Variants in ICE2 observed in about 807,000 individuals in gnomAD.
The protein encoded by ICE2 is interactor of little elongation complex ELL subunit 2.
ICE2 carries 87 observed loss-of-function variants against 105.4 expected under a neutral mutation model. The ratio of observed to expected loss-of-function variants is 0.83; its 90% confidence interval spans 0.69 to 0.99. ICE2 has a LOEUF of 0.99. ICE2 is among the 50% of genes least tolerant of loss of function. The probability of loss-of-function intolerance (pLI) is 0.00; values close to 1 mark genes in which losing one functional copy is unlikely to be tolerated. For missense variants in ICE2, 1,323 were observed against 1,146.7 expected (o/e 1.15, Z -2.22); for synonymous variants, 399 against 392.0 (o/e 1.02, Z -0.21).
At chr15:60,473,192 C>T (rs1024692166) in intron 3 of ICE2, among the ~76,000 whole-genome samples, 2 of 151,084 alleles carry the variant, frequency 1.3e-5, no homozygotes, top group Non-Finnish European at 3.0e-5. Context: ...ATCCTCTTGC[C>T]CCTAGCCTCC....
chr15:60,463,988 A>G (rs1028746741), intron 5 of ICE2, among the ~76,000 whole-genome samples: 1 of 152,242 alleles, frequency 6.6e-6, no homozygotes, highest in African/African-American at 2.4e-5. Flanking sequence ...GACAAGAGTT[A>G]CGTAGATGTT....
At chr15:60,464,495 A>C (rs1052140813) in intron 5 of ICE2, among the ~76,000 whole-genome samples, 1 of 152,236 alleles carries the variant, frequency 6.6e-6, no homozygotes, top group African/African-American at 2.4e-5. Context: ...ACATCTGAAC[A>C]GACAGAGACC....
chr15:60,425,299 T>A (rs998410449), intron 15 of ICE2, among the ~76,000 whole-genome samples: 1 of 152,330 alleles, frequency 6.6e-6, no homozygotes. Flanking sequence ...TTTTGGATGA[T>A]CTATACCACT....
At chr15:60,452,350 A>T in intron 9 of ICE2, 1 of 730,536 alleles carries the variant, frequency 1.4e-6, no homozygotes, top group Non-Finnish European at 1.7e-6. Flanking sequence ...CCCTCATTTT[A>T]CTCAAGTCTC....
chr15:60,459,101 G>C (rs964590382), intron 5 of ICE2, among the ~76,000 whole-genome samples: 1 of 152,088 alleles, frequency 6.6e-6, no homozygotes, highest in African/African-American at 2.4e-5. Context: ...TGGTGAAAAC[G>C]GTAAATTTTG....
At chr15:60,465,845 G>A (rs567651391) in intron 5 of ICE2, among the ~76,000 whole-genome samples, 15 of 149,150 alleles carry the variant, frequency 1.0e-4, no homozygotes, top group African/African-American at 3.0e-4. Context: ...TCCACCTCCC[G>A]GGTTCAAGCG....
chr15:60,434,599 A>AT (rs990081854), intron 13 of ICE2, among the ~76,000 whole-genome samples: 5 of 152,018 alleles, frequency 3.3e-5, no homozygotes, highest in African/African-American at 9.7e-5. Context: ...AAGAAATGAA[A>AT]TTCTGTTATT....
At chr15:60,463,614 A>G (rs1036884483) in intron 5 of ICE2, among the ~76,000 whole-genome samples, 2 of 152,176 alleles carry the variant, frequency 1.3e-5, no homozygotes, top group African/African-American at 4.8e-5. Flanking sequence ...TTCTACTAAA[A>G]ACACAAAAAT....
At chr15:60,461,020 T>C (rs961564030) in intron 5 of ICE2, among the ~76,000 whole-genome samples, 7 of 143,534 alleles carry the variant, frequency 4.9e-5, no homozygotes, top group African/African-American at 1.5e-4. Flanking sequence ...GCAGCATCCT[T>C]GGCCTCTACG....
At chr15:60,465,011 TGGTCTTTTAAAA>T (rs1309685288) in intron 5 of ICE2, among the ~76,000 whole-genome samples, 1 of 152,192 alleles carries the variant, frequency 6.6e-6, no homozygotes, top group Non-Finnish European at 1.5e-5. Context: ...AACATCATTC[TGGTCTTTTAAAA>T]GGCACTATCA....
chr15:60,447,955 CAA>C lies in ICE2; in HGVS notation c.2295+13_2295+14del. The C allele has an allele frequency of 2.5e-6, 4 of 1,598,286 alleles. No individual in the cohort carries two copies. Among genetic ancestry groups the C allele is most frequent in the Non-Finnish European group, 3.4e-6 (4 of 1,171,922 alleles). ...TTTATGTGATCATATTCTAACTCCG[CAA>C]ATAACAACTTACTCTTCTGATTTTC... On this transcript the variant is annotated intron_variant, in intron 11 of 15. Coordinates refer to ENST00000261520, the MANE Select transcript of ICE2 (RefSeq NM_024611.6).
At chr15:60,457,616 C>T (rs529319781) in intron 5 of ICE2, among the ~76,000 whole-genome samples, 6 of 152,258 alleles carry the variant, frequency 3.9e-5, no homozygotes, top group South Asian at 2.1e-4. Context: ...AAATGTGTCA[C>T]GTTACAAATC....
At chr15:60,439,708 G>C (rs2141027663) in intron 12 of ICE2, 1 of 152,276 alleles carries the variant, frequency 6.6e-6, no homozygotes, top group Admixed American at 6.5e-5. Context: ...ATGCCATGGT[G>C]AACCGTTATA....
chr15:60,442,796 T>A (rs943810695), intron 11 of ICE2: 18 of 271,192 alleles, frequency 6.6e-5, no homozygotes, highest in African/African-American at 3.9e-4. Flanking sequence ...AAAATCAACA[T>A]ACCTCCCCAC....
Position 60,455,012 on chromosome 15 carries a change from G to GT in ICE2, c.933dup (p.Pro312ThrfsTer9). 1 of 1,554,122 alleles carries GT rather than the reference G, an allele frequency of 6.4e-7. No individual in the cohort carries two copies. ...ATAGCAAATTACAAACCTGCAACAG[G>GT]TATTACTTGAATACACACTGGAATT... is the stretch of plus-strand genomic sequence containing the variant. On this transcript the variant is annotated frameshift_variant, in exon 8 of 16. Transcript: ENST00000261520. LOFTEE classifies it high-confidence loss of function.
intron 13 of ICE2, 42 bp downstream of exon 13, chr15:60,436,101 T>C (rs373842000): frequency 9.1e-5 from 72 of 787,330 alleles, no homozygotes; most frequent in Non-Finnish European, 1.3e-4. Context: ...ATGATCACAT[T>C]AACAAATTTT....
intron 5 of ICE2, among the ~76,000 whole-genome samples, chr15:60,460,611 G>A (rs1009138156): frequency 1.3e-5 from 2 of 152,170 alleles, no homozygotes; most frequent in Non-Finnish European, 2.9e-5. Flanking sequence ...CATTACTGAC[G>A]TTTTGGACCA....
intron 13 of ICE2, among the ~76,000 whole-genome samples, chr15:60,434,977 T>C (rs909362341): frequency 1.3e-5 from 2 of 152,330 alleles, no homozygotes; most frequent in East Asian, 1.9e-4. Flanking sequence ...ACACTGTATA[T>C]GGGTATTAAA....
intron 15 of ICE2, among the ~76,000 whole-genome samples, chr15:60,426,809 C>T (rs139301714): frequency 6.6e-6 from 1 of 152,070 alleles, no homozygotes; most frequent in Non-Finnish European, 1.5e-5. Context: ...AGGTGAGAGA[C>T]TATAATCAGT....
Sources: gnomAD v4.1 joint callset for allele counts (sites outside exome capture counted in the v4.1 genomes callset) on GRCh38, gnomAD v4.1.1 for gene constraint, MANE v1.5 for transcripts, NCBI Gene and HGNC (gene_info 2026-07-23, HGNC 2026-07-21) for gene names.